DCAF8L2: variants seen among roughly 807,000 people sequenced by gnomAD.
DCAF8L2 encodes DDB1 and CUL4 associated factor 8 like 2.
For synonymous variants in DCAF8L2, 200 were observed against 190.9 expected (o/e 1.05, Z -0.39); for missense variants, 430 against 490.7 (o/e 0.88, Z 1.17).
chrX:27,508,610 T>A, the DCAF8L2 span, among the ~76,000 whole-genome samples: 1 of 106,768 alleles, frequency 9.4e-6, no homozygotes, highest in African/African-American at 3.4e-5. Context: ...GTGTCCTACA[T>A]CTAGTTACTG....
intron 2 of DCAF8L2, among the ~76,000 whole-genome samples, chrX:27,671,482 C>T: frequency 8.9e-6 from 1 of 111,854 alleles, no homozygotes; most frequent in Non-Finnish European, 1.9e-5. Flanking sequence ...CTGCCATATT[C>T]CAAATTCACA....
intron 3 of DCAF8L2, among the ~76,000 whole-genome samples, chrX:27,699,628 AAAG>A (rs1931055915): frequency 9.0e-6 from 1 of 111,683 alleles, no homozygotes; most frequent in Non-Finnish European, 1.9e-5. Context: ...TGGTAGCATC[AAAG>A]TAGTGAGTTT....
chrX:27,718,359 G>A (rs145968839), intron 4 of DCAF8L2, among the ~76,000 whole-genome samples: 26 of 111,917 alleles, frequency 2.3e-4, no homozygotes, highest in African/African-American at 7.5e-4. Flanking sequence ...TATTTTGGTC[G>A]TTTTGTTCCA....
chrX:27,679,167 A>C (rs1254362007), intron 3 of DCAF8L2, among the ~76,000 whole-genome samples: 1 of 111,771 alleles, frequency 8.9e-6, no homozygotes, highest in Non-Finnish European at 1.9e-5. Flanking sequence ...TATAGGAGCC[A>C]AAGATCAATA....
intron 4 of DCAF8L2, among the ~76,000 whole-genome samples, chrX:27,718,205 C>T (rs1931767044): frequency 9.0e-6 from 1 of 111,621 alleles, no homozygotes; most frequent in African/African-American, 3.3e-5. Context: ...TCCCAGGTAA[C>T]CACTGATCAG....
rs143435747 is a variant in DCAF8L2 at position 27,600,246 on chromosome X, A to T, written c.-342+9806A>T. ...ACAGTTAAATACAGTAAAACAAAAT[A>T]AATTGACAAGAAGACACTGAATGAA... On this transcript the variant is annotated intron_variant, in intron 1 of 4. Transcript: ENST00000451261. Among the ~76,000 whole-genome samples the T allele has an allele frequency of 2.8e-4, 32 of 112,325 alleles. 1 individual carries two copies. In the East Asian group the frequency reaches 8.7e-3, roughly 31 times the overall value.
chrX:27,738,309 C>T (rs1921651615), intron 4 of DCAF8L2, among the ~76,000 whole-genome samples: 1 of 111,658 alleles, frequency 9.0e-6, no homozygotes, highest in Middle Eastern at 4.8e-3. Context: ...TGATAGTGCT[C>T]TGAATCATCC....
chrX:27,703,446 C>T lies in DCAF8L2; in HGVS notation c.-142-12642C>T, dbSNP rs187562482. Among the ~76,000 whole-genome samples, 50 of 111,127 alleles carry T rather than the reference C, an allele frequency of 4.5e-4. 1 individual carries two copies. The Admixed American group carries it at 4.6e-3, about 10-fold the overall frequency. On this transcript the variant is annotated intron_variant, in intron 3 of 4. Coordinates refer to ENST00000451261, the MANE Select transcript of DCAF8L2 (RefSeq NM_001353450.2). ...AAAACTTACTACAATGCTAAAGTACCCAAGACAGTAAAGTTCTGGCATAAG... is the reference window on the plus strand; with the variant it reads ...AAAACTTACTACAATGCTAAAGTACTCAAGACAGTAAAGTTCTGGCATAAG...
chrX:27,580,245 A>C, the DCAF8L2 span, among the ~76,000 whole-genome samples: 1 of 111,140 alleles, frequency 9.0e-6, no homozygotes, highest in Non-Finnish European at 1.9e-5. Context: ...AGTCGTGTCA[A>C]GTGAAAGGAG....
At chrX:27,627,935 A>AAC (rs1460538102) in intron 1 of DCAF8L2, among the ~76,000 whole-genome samples, 1 of 109,565 alleles carries the variant, frequency 9.1e-6, no homozygotes, top group African/African-American at 3.3e-5. Flanking sequence ...TAAAAAAAAA[A>AAC]AAAACAATGA....
At chrX:27,502,329 A>ATATAT in the DCAF8L2 span, among the ~76,000 whole-genome samples, 1 of 32,111 alleles carries the variant, frequency 3.1e-5, no homozygotes, top group Non-Finnish European at 5.2e-5. Flanking sequence ...AAAAAAAAAA[A>ATATAT]AAAAAAATAT....
chrX:27,490,125 C>A, the DCAF8L2 span, among the ~76,000 whole-genome samples: 2 of 111,920 alleles, frequency 1.8e-5, no homozygotes, highest in Non-Finnish European at 3.8e-5. Flanking sequence ...AATCCTCCCA[C>A]CTTGGGAAGG....
Position 27,598,495 on chromosome X carries a change from G to T in DCAF8L2, c.-342+8055G>T, listed in dbSNP as rs148807879. 4.4e-5 allele frequency among the ~76,000 whole-genome samples: 5 copies of T among 112,393 alleles called. No homozygotes were observed. The East Asian group carries it at 1.4e-3, about 32-fold the overall frequency. On this transcript the variant is annotated intron_variant, in intron 1 of 4. Transcript: ENST00000451261. ...TGAGTTCTTGCTTCCCCCGCTAGCC[G>T]GGCTGTAAAGTCACAAGGTTGATAA...
chrX:27,621,654 T>TACACCCCACACCC (rs1927766288), intron 1 of DCAF8L2, among the ~76,000 whole-genome samples: 2 of 111,419 alleles, frequency 1.8e-5, no homozygotes, highest in African/African-American at 6.5e-5. Flanking sequence ...ATACAGCGTG[T>TACACCCCACACCC]ATAAGATACC....
chrX:27,490,475 T>TG, the DCAF8L2 span, among the ~76,000 whole-genome samples: 15 of 110,781 alleles, frequency 1.4e-4, no homozygotes, highest in African/African-American at 4.9e-4. Flanking sequence ...TTTTGTTTTT[T>TG]TTTGGAGACG....
At chrX:27,491,217 G>C in the DCAF8L2 span, among the ~76,000 whole-genome samples, 1 of 111,477 alleles carries the variant, frequency 9.0e-6, no homozygotes, top group South Asian at 3.7e-4. Flanking sequence ...TCATTTACTC[G>C]GTGATTTTCT....
chrX:27,542,154 A>G, the DCAF8L2 span, among the ~76,000 whole-genome samples: 1 of 111,585 alleles, frequency 9.0e-6, no homozygotes. Flanking sequence ...TAGTGATGCA[A>G]TGAATGAATG....
chrX:27,738,169 A>G (rs1446918307), intron 4 of DCAF8L2, among the ~76,000 whole-genome samples: 2 of 111,360 alleles, frequency 1.8e-5, no homozygotes, highest in Non-Finnish European at 3.8e-5. Context: ...TGTCTAAAAA[A>G]CATCTTCCCC....
chrX:27,529,421 A>C, the DCAF8L2 span, among the ~76,000 whole-genome samples: 1 of 111,838 alleles, frequency 8.9e-6, no homozygotes, highest in Non-Finnish European at 1.9e-5. Flanking sequence ...AAATTAGATC[A>C]GGTACCTAAT....
Sources: gnomAD v4.1 joint callset for allele counts (sites outside exome capture counted in the v4.1 genomes callset) on GRCh38, gnomAD v4.1.1 for gene constraint, MANE v1.5 for transcripts, NCBI Gene and HGNC (gene_info 2026-07-23, HGNC 2026-07-21) for gene names.